Variants in LOXL2 observed in about 807,000 individuals in gnomAD.
LOXL2 encodes the protein lysyl oxidase like 2, also known as lysyl oxidase homolog 2.
Under a neutral mutation model 93.0 loss-of-function variants are expected in LOXL2, and 70 were observed. The ratio of observed to expected loss-of-function variants is 0.75; its 90% confidence interval spans 0.62 to 0.92. The LOEUF (loss-of-function observed/expected upper bound fraction) is 0.92. Ranked by LOEUF, LOXL2 falls within the 40% of genes least tolerant of loss-of-function variation. The pLI is 0.00. For synonymous variants in LOXL2, 438 were observed against 413.2 expected, an observed-to-expected ratio of 1.06 and a Z score of -0.73; for missense variants, 973 against 1,054.9, an observed-to-expected ratio of 0.92 and a Z score of 1.08.
intron 8 of LOXL2, among the ~76,000 whole-genome samples, chr8:23,319,083 C>G (rs989064642): frequency 6.6e-6 from 1 of 152,238 alleles, no homozygotes; most frequent in South Asian, 2.1e-4. Flanking sequence ...CAAGCATCTT[C>G]CCGTTATGTA....
chr8:23,297,341 G>C lies in LOXL2; in HGVS notation c.*702C>G, dbSNP rs1199275734. On this transcript the variant is annotated 3_prime_UTR_variant, in exon 14 of 14. Transcript: ENST00000389131. ...AACAGGAAGATGAGTCACTTACACA[G>C]TGGGTTGGTTTTTCCTTAGATTTGT... 1 of 152,230 alleles carries C rather than the reference G, an allele frequency of 6.6e-6. No homozygotes were observed. The highest frequency in any genetic ancestry group is 2.4e-5 in the African/African-American group (1 of 41,432). The allele number at this position is 152,230 out of a possible 1,614,324, so 9.4% of individuals were successfully genotyped here.
rs939159318 is a variant in LOXL2 at position 23,316,977 on chromosome 8, C to A, written c.1608G>T (p.Gln536His). The A allele has an allele frequency of 6.2e-7, 1 of 1,612,802 alleles. No individual in the cohort carries two copies. Among genetic ancestry groups the A allele is most frequent in the African/African-American group, 1.3e-5 (1 of 74,996 alleles). The change falls in exon 9 of 14, where the codon CAG becomes CAT. Residue 536 changes from glutamine to histidine, a missense_variant. Transcript: ENST00000389131. ...CTGAGCAGGCAACTCCGGCCCCGTA[C>A]TGCACTCCGCCCTGGGGGCAGGCCA... ...EDVACPQGGV[Q>H]YGAGVACSET...
intron 3 of LOXL2, among the ~76,000 whole-genome samples, chr8:23,358,194 CG>C (rs1482569643): frequency 3.9e-5 from 6 of 152,156 alleles, no homozygotes; most frequent in African/African-American, 1.4e-4. Context: ...TGAAGACTGA[CG>C]AAAGTATATC....
chr8:23,355,964 G>C (rs1453579928), intron 3 of LOXL2, among the ~76,000 whole-genome samples: 1 of 152,050 alleles, frequency 6.6e-6, no homozygotes, highest in African/African-American at 2.4e-5. Context: ...TCTGCACTCT[G>C]TGACTGTTTT....
intron 12 of LOXL2, 83 bp from the exon 13 acceptor site, chr8:23,299,030 C>A: frequency 1.2e-6 from 1 of 820,202 alleles, no homozygotes; most frequent in Non-Finnish European, 2.1e-6. Context: ...GAGACCAGCA[C>A]CTCAGGGAAG....
chr8:23,399,578 G>T (rs1327529102), intron 1 of LOXL2, among the ~76,000 whole-genome samples: 1 of 152,172 alleles, frequency 6.6e-6, no homozygotes, highest in Non-Finnish European at 1.5e-5. Context: ...ATCACCTTGG[G>T]ATACTGCCAA....
intron 1 of LOXL2, chr8:23,385,874 CT>C: frequency 1.4e-6 from 1 of 726,534 alleles, no homozygotes; most frequent in South Asian, 1.4e-5. Flanking sequence ...GTTCTTTTTT[CT>C]TTTTGTACTA....
chr8:23,303,472 G>C, intron 10 of LOXL2, 75 bp from the exon 11 acceptor site: 1 of 860,080 alleles, frequency 1.2e-6, no homozygotes, highest in East Asian at 2.4e-5. Flanking sequence ...CCTGGCTGGC[G>C]ATTTGCCTCT....
chr8:23,305,649 G>A lies in LOXL2; in HGVS notation c.1881-2252C>T, dbSNP rs550136584. ...GCTGTCGTGACCCTTGGGCATCTAG[G>A]AGGGGGCTGGATCCCTGGGGTAGAG... On this transcript the variant is annotated intron_variant, in intron 10 of 13. Coordinates refer to ENST00000389131, the MANE Select transcript of LOXL2 (RefSeq NM_002318.3). Among the ~76,000 whole-genome samples the A allele has an allele frequency of 5.3e-5, 8 of 152,202 alleles. No homozygotes were observed. In the East Asian group the frequency reaches 1.5e-3, roughly 29 times the overall value.
chr8:23,378,377 T>C (rs1346072493), intron 1 of LOXL2, among the ~76,000 whole-genome samples: 2 of 152,194 alleles, frequency 1.3e-5, no homozygotes, highest in East Asian at 3.8e-4. Flanking sequence ...TTAACATTTT[T>C]TCCTTCATTT....
chr8:23,382,476 CACTGT>C (rs1804694028), intron 1 of LOXL2: 1 of 145,794 alleles, frequency 6.9e-6, no homozygotes, highest in Admixed American at 7.0e-5. Context: ...AAGATCGTGC[CACTGT>C]ACTCCAGCCT....
intron 3 of LOXL2, among the ~76,000 whole-genome samples, chr8:23,354,707 T>A (rs1242493871): frequency 1.3e-5 from 2 of 151,896 alleles, no homozygotes; most frequent in African/African-American, 4.8e-5. Flanking sequence ...AGACACTGAA[T>A]AACAAGGGTC....
At chr8:23,342,417 C>A (rs1416725507) in intron 3 of LOXL2, among the ~76,000 whole-genome samples, 1 of 151,922 alleles carries the variant, frequency 6.6e-6, no homozygotes, top group Non-Finnish European at 1.5e-5. Flanking sequence ...CACCAAAGAG[C>A]CTCTTTTTTC....
At position 23,340,975 on chromosome 8, in the gene LOXL2, T is replaced by C; in HGVS notation, c.743+17A>G. On this transcript the variant is annotated intron_variant, in intron 4 of 13. Transcript: ENST00000389131. ...GCGGATACCCTCAAAGCCACCCCTT[T>C]GGTGCAGTCCTCTTACTTGTACACT... 2.5e-6 allele frequency: 4 copies of C among 1,608,270 alleles called. No individual in the cohort carries two copies. Among genetic ancestry groups the C allele is most frequent in the Non-Finnish European group, 3.4e-6 (4 of 1,174,800 alleles).
At chr8:23,323,178 G>A (rs1455161794) in intron 6 of LOXL2, among the ~76,000 whole-genome samples, 1 of 152,194 alleles carries the variant, frequency 6.6e-6, no homozygotes, top group African/African-American at 2.4e-5. Flanking sequence ...AAAATGCATC[G>A]GTGATGGTGG....
intron 1 of LOXL2, among the ~76,000 whole-genome samples, chr8:23,389,725 C>A (rs1320292242): frequency 2.6e-5 from 4 of 152,192 alleles, no homozygotes; most frequent in Non-Finnish European, 4.4e-5. Context: ...TCATAACTGT[C>A]CCCTTCCCTA....
intron 1 of LOXL2, among the ~76,000 whole-genome samples, chr8:23,401,030 C>T (rs988800439): frequency 4.6e-5 from 7 of 152,298 alleles, no homozygotes; most frequent in African/African-American, 1.7e-4. Flanking sequence ...CTTCAGAGAG[C>T]AGCTGAGAGT....
Position 23,328,917 on chromosome 8 carries a change from C to T in LOXL2, c.967-352G>A, listed in dbSNP as rs766956192. ...TGGCACAAGGATCCTTCCATCAGCA[C>T]GTCCCCCACCAACTCCAGAGCCTCA... is the stretch of plus-strand genomic sequence containing the variant. On this transcript the variant is annotated intron_variant, in intron 5 of 13. Coordinates refer to ENST00000389131, the MANE Select transcript of LOXL2 (RefSeq NM_002318.3). 14 of 205,694 alleles carry T rather than the reference C, an allele frequency of 6.8e-5. No individual in the cohort carries two copies. The East Asian group carries it at 8.4e-4, about 12-fold the overall frequency. The allele number at this position is 205,694 out of a possible 1,614,324, so 12.7% of individuals were successfully genotyped here.
At chr8:23,332,609 TAC>T (rs1171410690) in intron 5 of LOXL2, among the ~76,000 whole-genome samples, 1 of 69,778 alleles carries the variant, frequency 1.4e-5, no homozygotes, top group African/African-American at 6.0e-5. Context: ...CTCACAATCA[TAC>T]ACACCCAACA....
Sources: gnomAD v4.1 joint callset for allele counts (sites outside exome capture counted in the v4.1 genomes callset) on GRCh38, gnomAD v4.1.1 for gene constraint, MANE v1.5 for transcripts, NCBI Gene and HGNC (gene_info 2026-07-23, HGNC 2026-07-21) for gene names.